The following PPA1 variants were observed in gnomAD, a reference collection of about 807,000 sequenced individuals.
PPA1 encodes the protein inorganic pyrophosphatase.
A neutral mutation model predicts 41.8 loss-of-function variants in PPA1; 23 were observed. The observed-to-expected ratio is 0.55, with a 90% CI of 0.40 to 0.78. The LOEUF is 0.78. PPA1 is among the 30% of genes least tolerant of loss of function. The pLI, the probability that PPA1 is intolerant of heterozygous loss-of-function variation, is 0.00. For synonymous variants in PPA1, 101 were observed against 116.8 expected (o/e 0.86, Z 0.87); for missense variants, 320 against 361.6 (o/e 0.89, Z 0.93).
intron 6 of PPA1, among the ~76,000 whole-genome samples, chr10:70,210,661 C>T (rs1840007027): frequency 6.6e-6 from 1 of 152,096 alleles, no homozygotes; most frequent in Admixed American, 6.6e-5. Flanking sequence ...AACAGAGATA[C>T]ACATCCTAAA....
chr10:70,202,912 CA>C lies in PPA1; in HGVS notation c.*242del. On this transcript the variant is annotated 3_prime_UTR_variant, in exon 11 of 11. Transcript: ENST00000373232. ...TGTGCTCCCCTTGCACATCTATTCA[CA>C]AGTGACTTCCAAATGACAACTGCTT... 1 of 523,630 alleles carries C rather than the reference CA, an allele frequency of 1.9e-6. No homozygotes were observed. The allele number at this position is 523,630 out of a possible 1,614,324, so 32.4% of individuals were successfully genotyped here. A position where few individuals can be genotyped will look rare whatever the true frequency, so the allele number is the denominator to read the frequency against.
Position 70,217,799 on chromosome 10 carries a change from C to CA in PPA1, c.297+12dup. The CA allele has an allele frequency of 6.5e-7, 1 of 1,528,594 alleles. No individual in the cohort carries two copies. The highest frequency in any genetic ancestry group is 8.8e-7 in the Non-Finnish European group (1 of 1,131,390). The allele number at this position is 1,528,594 out of a possible 1,614,324, so 94.7% of individuals were successfully genotyped here. On this transcript the variant is annotated intron_variant, in intron 4 of 10. Coordinates refer to ENST00000373232, the MANE Select transcript of PPA1 (RefSeq NM_021129.4). ...CTAAAAAGTACATTGTCAGCAGTTGCATGAAGACATACCTGAGGGATGGCA... is the reference window on the plus strand; with the variant it reads ...CTAAAAAGTACATTGTCAGCAGTTGCAATGAAGACATACCTGAGGGATGGCA...
At position 70,221,002 on chromosome 10, in the gene PPA1, TAAC is replaced by T. The variant is rs1564584501; in HGVS notation, c.124-2188_124-2186del. Reference sequence around the variant, plus strand: ...ATACTATATATATAATTTATATATATAACATATATATAATTTATATATATAATA... The same window carrying T: ...ATACTATATATATAATTTATATATATATATATATAATTTATATATATAATA... On this transcript the variant is annotated intron_variant, in intron 2 of 10. Coordinates refer to ENST00000373232, the MANE Select transcript of PPA1 (RefSeq NM_021129.4). Among the ~76,000 whole-genome samples the T allele has an allele frequency of 2.1e-4, 12 of 57,320 alleles. 1 individual carries two copies. Among genetic ancestry groups the T allele is most frequent in the Middle Eastern group, 9.6e-3 (1 of 104 alleles). The allele number at this position is 57,320 out of a possible 152,430, so 37.6% of individuals were successfully genotyped here.
chr10:70,229,942 C>T (rs1840270258), intron 2 of PPA1, among the ~76,000 whole-genome samples: 1 of 152,098 alleles, frequency 6.6e-6, no homozygotes, highest in Non-Finnish European at 1.5e-5. Context: ...CAGGGTCTCA[C>T]TCTGTCACCC....
intron 1 of PPA1, among the ~76,000 whole-genome samples, chr10:70,231,949 C>T (rs1232420325): frequency 6.6e-6 from 1 of 152,210 alleles, no homozygotes; most frequent in Non-Finnish European, 1.5e-5. Flanking sequence ...AGACAGTCAC[C>T]TCTGTAAGCC....
chr10:70,204,225 C>G (rs1839912125), intron 10 of PPA1: 1 of 152,070 alleles, frequency 6.6e-6, no homozygotes, highest in African/African-American at 2.4e-5. Context: ...AACTCTATCT[C>G]TACAAATTAT....
chr10:70,222,268 G>A (rs182018858), intron 2 of PPA1, among the ~76,000 whole-genome samples: 1,613 of 147,948 alleles, frequency 0.011, 25 homozygotes, highest in African/African-American at 0.038. Context: ...CCTGGGAGGC[G>A]GAGGTTGCAG....
chr10:70,218,000 A>C, intron 3 of PPA1, 69 bp from the exon 4 acceptor site: 2 of 1,340,340 alleles, frequency 1.5e-6, no homozygotes. Flanking sequence ...GGATCTGAGG[A>C]AATGAATTAT....
chr10:70,206,103 C>T, intron 9 of PPA1, 161 bp downstream of exon 9: 2 of 607,130 alleles, frequency 3.3e-6, no homozygotes, highest in Middle Eastern at 2.7e-4. Flanking sequence ...GTCAAATGGC[C>T]ACTTGCATGT....
chr10:70,224,004 C>G (rs1840202916), intron 2 of PPA1, among the ~76,000 whole-genome samples: 1 of 152,044 alleles, frequency 6.6e-6, no homozygotes. Context: ...GTTAAGTCTC[C>G]CTAGAGGGAT....
chr10:70,217,683 CTT>C, intron 4 of PPA1, 127 bp downstream of exon 4: 1 of 725,752 alleles, frequency 1.4e-6, no homozygotes. Flanking sequence ...TTAATTATCC[CTT>C]CTTATGTTTT....
intron 10 of PPA1, chr10:70,204,619 G>A (rs1048111203): frequency 2.5e-6 from 1 of 401,682 alleles, no homozygotes; most frequent in Non-Finnish European, 4.5e-6. Context: ...GATGGTGACT[G>A]TAACATCTAT....
chr10:70,227,563 A>T lies in PPA1; in HGVS notation c.123+2778T>A, dbSNP rs116064005. Among the ~76,000 whole-genome samples, 786 of 147,970 alleles carry T rather than the reference A, an allele frequency of 5.3e-3. 7 individuals carry two copies. The highest frequency in any genetic ancestry group is 0.017 in the African/African-American group (682 of 40,526). On this transcript the variant is annotated intron_variant, in intron 2 of 10. Transcript: ENST00000373232. ...CTATTCAGGAGGCTGGAGCAGGAGG[A>T]TCACTTGTGCCTGAGAGGTTGAAGC...
intron 2 of PPA1, among the ~76,000 whole-genome samples, chr10:70,226,463 G>A (rs1360699620): frequency 6.6e-6 from 1 of 151,996 alleles, no homozygotes; most frequent in Admixed American, 6.6e-5. Flanking sequence ...GGAGACTGAG[G>A]TGGGAGGATT....
At chr10:70,227,283 G>A (rs1840239622) in intron 2 of PPA1, among the ~76,000 whole-genome samples, 1 of 152,208 alleles carries the variant, frequency 6.6e-6, no homozygotes, top group Admixed American at 6.5e-5. Context: ...GGGTACGCGA[G>A]TCACAAGATT....
intron 2 of PPA1, among the ~76,000 whole-genome samples, chr10:70,222,587 T>C (rs1840187231): frequency 6.6e-6 from 1 of 152,174 alleles, no homozygotes; most frequent in South Asian, 2.1e-4. Context: ...GGTAGAATTC[T>C]CGCCTGCTAA....
At chr10:70,205,402 T>G (rs926598076) in intron 9 of PPA1, 2 of 152,056 alleles carry the variant, frequency 1.3e-5, no homozygotes, top group Non-Finnish European at 2.9e-5. Flanking sequence ...TTCAAGCCTC[T>G]TGACTTTTTA....
At chr10:70,203,282 A>C (rs1020830296) in intron 10 of PPA1, 96 bp from the exon 11 acceptor site, 1 of 1,081,984 alleles carries the variant, frequency 9.2e-7, no homozygotes, top group Non-Finnish European at 1.4e-6. Flanking sequence ...GCTTTAATGA[A>C]TCCTACTATG....
intron 1 of PPA1, among the ~76,000 whole-genome samples, chr10:70,231,839 T>C (rs1840292869): frequency 6.6e-6 from 1 of 152,350 alleles, no homozygotes; most frequent in South Asian, 2.1e-4. Flanking sequence ...TGGTCTCCCA[T>C]AACGGCCACC....
Sources: gnomAD v4.1 joint callset for allele counts (sites outside exome capture counted in the v4.1 genomes callset) on GRCh38, gnomAD v4.1.1 for gene constraint, MANE v1.5 for transcripts, NCBI Gene and HGNC (gene_info 2026-07-23, HGNC 2026-07-21) for gene names.